ODAD2: variants seen among roughly 807,000 people sequenced by gnomAD.
ODAD2 encodes outer dynein arm docking complex subunit 2, also known as outer dynein arm-docking complex subunit 2.
Under a neutral mutation model 106.8 loss-of-function variants are expected in ODAD2, and 89 were observed. The ratio of observed to expected loss-of-function variants is 0.83; its 90% CI spans 0.70 to 0.99. ODAD2 has a LOEUF of 0.99. ODAD2 is among the 50% of genes least tolerant of loss of function. ODAD2 has a pLI of 0.00. For synonymous variants in ODAD2, 404 were observed against 436.2 expected, an observed-to-expected ratio of 0.93 and a Z score of 0.92; for missense variants, 1,168 against 1,238.5, an observed-to-expected ratio of 0.94 and a Z score of 0.85.
At chr10:27,869,534 C>G (rs1337679398) in intron 17 of ODAD2, among the ~76,000 whole-genome samples, 3 of 116,000 alleles carry the variant, frequency 2.6e-5, no homozygotes, top group African/African-American at 8.8e-5. Context: ...TTTCTTTTTT[C>G]TTTTTCTTTT....
intron 19 of ODAD2, among the ~76,000 whole-genome samples, chr10:27,828,105 T>C (rs1036244197): frequency 1.1e-4 from 17 of 152,232 alleles, no homozygotes; most frequent in African/African-American, 3.9e-4. Flanking sequence ...TTAAATTCCA[T>C]GAAAGATGAA....
At chr10:27,838,873 C>T (rs1299748208) in intron 19 of ODAD2, among the ~76,000 whole-genome samples, 1 of 152,136 alleles carries the variant, frequency 6.6e-6, no homozygotes. Flanking sequence ...AAAAAAGCTG[C>T]GGGACATAGC....
chr10:27,992,255 C>T (rs1277347510), intron 2 of ODAD2, among the ~76,000 whole-genome samples: 2 of 152,094 alleles, frequency 1.3e-5, no homozygotes, highest in Non-Finnish European at 2.9e-5. Context: ...ATATCAATAA[C>T]GGTCAGACAC....
At chr10:27,957,528 G>C (rs1847820334) in intron 10 of ODAD2, 1 of 152,222 alleles carries the variant, frequency 6.6e-6, no homozygotes. Flanking sequence ...TATCAGTAAG[G>C]TAGCTGAAAA....
intron 10 of ODAD2, among the ~76,000 whole-genome samples, chr10:27,955,696 GGTGTGTGTGTGTGTGTGTGTGTGTGT>G (rs56731384): frequency 7.0e-6 from 1 of 142,928 alleles, no homozygotes; most frequent in Non-Finnish European, 1.5e-5. Flanking sequence ...AACCAATTAA[GGTGTGTGTGTGTGTGTGTGTGTGTGT>G]GTGTGTGTGT....
At chr10:27,899,189 A>T (rs2133785171) in intron 17 of ODAD2, among the ~76,000 whole-genome samples, 1 of 151,850 alleles carries the variant, frequency 6.6e-6, no homozygotes, top group South Asian at 2.1e-4. Context: ...GCGTCACCTC[A>T]CTTGGGAAGC....
At chr10:27,963,150 G>T (rs1164571917) in intron 9 of ODAD2, among the ~76,000 whole-genome samples, 1 of 151,992 alleles carries the variant, frequency 6.6e-6, no homozygotes, top group Non-Finnish European at 1.5e-5. Flanking sequence ...TGGACTTACA[G>T]GCATGCGCCA....
chr10:27,910,596 T>A (rs896869016), intron 16 of ODAD2, among the ~76,000 whole-genome samples: 2 of 151,132 alleles, frequency 1.3e-5, no homozygotes, highest in Non-Finnish European at 2.9e-5. Flanking sequence ...CTACAAAAAA[T>A]ACAAAAAAAA....
intron 19 of ODAD2, among the ~76,000 whole-genome samples, chr10:27,847,250 G>A (rs1027723641): frequency 1.2e-4 from 19 of 152,304 alleles, no homozygotes; most frequent in African/African-American, 2.2e-4. Flanking sequence ...TCATCACTGG[G>A]ATGCAAGGCT....
intron 7 of ODAD2, among the ~76,000 whole-genome samples, chr10:27,972,856 AC>A (rs1848947636): frequency 6.6e-6 from 1 of 152,164 alleles, no homozygotes; most frequent in African/African-American, 2.4e-5. Context: ...GCAGAAAAAA[AC>A]ATCAGTAATG....
chr10:27,872,581 G>A (rs2554077), intron 17 of ODAD2, among the ~76,000 whole-genome samples: 1 of 152,054 alleles, frequency 6.6e-6, no homozygotes, highest in Non-Finnish European at 1.5e-5. Flanking sequence ...GTTGAATTTT[G>A]TCAAAGGCCT....
At chr10:27,920,021 T>C (rs148010554) in intron 16 of ODAD2, among the ~76,000 whole-genome samples, 24 of 152,080 alleles carry the variant, frequency 1.6e-4, no homozygotes, top group African/African-American at 5.5e-4. Flanking sequence ...AAAACTAAGC[T>C]ATAGTTTATA....
intron 9 of ODAD2, among the ~76,000 whole-genome samples, chr10:27,963,168 T>A (rs1229164513): frequency 6.6e-6 from 1 of 152,042 alleles, no homozygotes; most frequent in Non-Finnish European, 1.5e-5. Flanking sequence ...CCACCACATC[T>A]GGCTAATTTT....
intron 17 of ODAD2, among the ~76,000 whole-genome samples, chr10:27,874,278 C>T (rs1239548672): frequency 6.6e-6 from 1 of 152,166 alleles, no homozygotes; most frequent in East Asian, 1.9e-4. Flanking sequence ...CTCCTGAATA[C>T]AGCACACTGA....
chr10:27,913,337 G>A (rs915757988), intron 16 of ODAD2, among the ~76,000 whole-genome samples: 2 of 152,130 alleles, frequency 1.3e-5, no homozygotes, highest in Non-Finnish European at 1.5e-5. Context: ...TTGTGTCCAT[G>A]TGTACTCAGT....
Position 27,845,630 on chromosome 10 carries a change from T to C in ODAD2, c.3021+14995A>G, listed in dbSNP as rs139270100. The stretch of plus-strand genomic sequence containing the variant: ...CAATTAAAAGACACAGACTGACAAA[T>C]TGGATGAAGAGTCAGGACCCATTAG... On this transcript the variant is annotated intron_variant, in intron 19 of 19. Coordinates refer to ENST00000305242, the MANE Select transcript of ODAD2 (RefSeq NM_018076.5). Among the ~76,000 whole-genome samples, 349 of 152,124 alleles carry C rather than the reference T, an allele frequency of 2.3e-3. 2 individuals carry two copies. Among genetic ancestry groups the C allele is most frequent in the African/African-American group, 8.3e-3 (346 of 41,482 alleles).
At chr10:27,820,597 T>C (rs987783421) in intron 19 of ODAD2, among the ~76,000 whole-genome samples, 5 of 152,076 alleles carry the variant, frequency 3.3e-5, no homozygotes, top group African/African-American at 1.2e-4. Flanking sequence ...CTCTATTCTA[T>C]AAATTAAATT....
intron 13 of ODAD2, 125 bp downstream of exon 13, chr10:27,940,438 T>C (rs1846324067): frequency 8.5e-7 from 1 of 1,175,456 alleles, no homozygotes; most frequent in Non-Finnish European, 1.2e-6. Context: ...GATCTTCTCT[T>C]TCTCATAGAA....
chr10:27,865,427 T>C (rs1840369910), intron 17 of ODAD2, among the ~76,000 whole-genome samples: 1 of 152,208 alleles, frequency 6.6e-6, no homozygotes, highest in Admixed American at 6.5e-5. Context: ...GTCTTCCTGT[T>C]AGCTTGGGAA....
Sources: allele counts gnomAD v4.1 joint callset (sites outside exome capture counted in the v4.1 genomes callset), GRCh38; gene constraint gnomAD v4.1.1; transcripts MANE v1.5; gene names NCBI Gene and HGNC (gene_info 2026-07-23, HGNC 2026-07-21).